FAM168A: variants seen among roughly 807,000 people sequenced by gnomAD.
FAM168A encodes family with sequence similarity 168 member A.
A neutral mutation model predicts 28.5 loss-of-function variants in FAM168A; 3 were observed. The ratio of observed to expected loss-of-function variants is 0.11; its 90% CI spans 0.05 to 0.27. The LOEUF (loss-of-function observed/expected upper bound fraction) is 0.27. Ranked by LOEUF, FAM168A falls within the 10% of genes least tolerant of loss-of-function variation. FAM168A has a pLI of 1.00. For synonymous variants in FAM168A, 122 were observed against 124.2 expected, an observed-to-expected ratio of 0.98 and a Z score of 0.12; for missense variants, 222 against 311.5, an observed-to-expected ratio of 0.71 and a Z score of 2.16.
intron 1 of FAM168A, among the ~76,000 whole-genome samples, chr11:73,488,179 G>A (rs946061296): frequency 6.6e-6 from 1 of 151,204 alleles, no homozygotes; most frequent in Non-Finnish European, 1.5e-5. Context: ...TGCCCAGGCT[G>A]GAGTGTCATG....
chr11:73,420,968 T>C (rs1489093423), intron 3 of FAM168A: 1 of 152,268 alleles, frequency 6.6e-6, no homozygotes, highest in Non-Finnish European at 1.5e-5. Context: ...ACATTTTCCT[T>C]ATTATAATTT....
chr11:73,419,621 A>G (rs893116326), intron 4 of FAM168A, among the ~76,000 whole-genome samples: 4 of 152,028 alleles, frequency 2.6e-5, no homozygotes. Flanking sequence ...TCCTTCCCCA[A>G]TCAACTTGTT....
At chr11:73,508,294 A>G (rs1249774064) in intron 1 of FAM168A, among the ~76,000 whole-genome samples, 2 of 152,092 alleles carry the variant, frequency 1.3e-5, no homozygotes, top group African/African-American at 2.4e-5. Flanking sequence ...TATTACTCAT[A>G]TCCAAAATTA....
Position 73,406,433 on chromosome 11 carries a change from T to C in FAM168A, c.*330A>G, listed in dbSNP as rs1462332681. 6.6e-6 allele frequency: 1 copy of C among 152,052 alleles called. No individual in the cohort carries two copies. Among genetic ancestry groups the C allele is most frequent in the Non-Finnish European group, 1.5e-5 (1 of 68,054 alleles). 9.4% of individuals were successfully genotyped at this position (152,052 alleles called of 1,614,324 possible). On this transcript the variant is annotated 3_prime_UTR_variant, in exon 8 of 8. Transcript: ENST00000356467. ...CACTGCAATAAACCCTACTCTCTGC[T>C]TGCCTCTAGACTGGGATCCCCAGGG...
intron 1 of FAM168A, among the ~76,000 whole-genome samples, chr11:73,488,989 A>G (rs767235571): frequency 1.3e-5 from 2 of 152,030 alleles, no homozygotes; most frequent in African/African-American, 2.4e-5. Context: ...CCCAGGTTCA[A>G]GCAATTCTCC....
intron 1 of FAM168A, among the ~76,000 whole-genome samples, chr11:73,491,140 A>G (rs1187603146): frequency 6.6e-6 from 1 of 152,194 alleles, no homozygotes; most frequent in Non-Finnish European, 1.5e-5. Flanking sequence ...GCTGTTGACA[A>G]AACACACATA....
At chr11:73,454,854 G>A (rs547397203) in intron 2 of FAM168A, among the ~76,000 whole-genome samples, 5 of 152,264 alleles carry the variant, frequency 3.3e-5, no homozygotes, top group African/African-American at 1.2e-4. Context: ...TCTTCCCACT[G>A]AGAGCCACTT....
chr11:73,438,701 A>G (rs1867138138), intron 2 of FAM168A, among the ~76,000 whole-genome samples: 1 of 152,192 alleles, frequency 6.6e-6, no homozygotes. Context: ...CGGCAGAATG[A>G]AAAGGAGTTC....
At chr11:73,552,172 C>T (rs558081476) in intron 1 of FAM168A, among the ~76,000 whole-genome samples, 1 of 152,296 alleles carries the variant, frequency 6.6e-6, no homozygotes, top group South Asian at 2.1e-4. Context: ...TGGACTAAAA[C>T]TGGGTTCAAT....
At position 73,550,865 on chromosome 11, in the gene FAM168A, T is replaced by C. The variant is rs182861590; in HGVS notation, c.-19+47058A>G. Reference sequence around the variant, plus strand: ...GGCTCATGCCAGTAATTCCAGCACTTTGGGAGGCCGAGGCAGGCAGATCAC... The same window carrying C: ...GGCTCATGCCAGTAATTCCAGCACTCTGGGAGGCCGAGGCAGGCAGATCAC... On this transcript the variant is annotated intron_variant, in intron 1 of 7. Coordinates refer to ENST00000356467, the MANE Select transcript of FAM168A (RefSeq NM_015159.3). 7.4e-4 allele frequency among the ~76,000 whole-genome samples: 112 copies of C among 151,884 alleles called. 2 individuals carry two copies. The highest frequency in any genetic ancestry group is 7.1e-4 in the Non-Finnish European group (48 of 67,940).
intron 1 of FAM168A, among the ~76,000 whole-genome samples, chr11:73,596,088 C>A (rs1190337773): frequency 2.0e-5 from 3 of 152,174 alleles, no homozygotes; most frequent in Non-Finnish European, 4.4e-5. Flanking sequence ...CGTCTTCAAG[C>A]AATCAATTTA....
At chr11:73,597,699 C>T (rs1474269933) in intron 1 of FAM168A, among the ~76,000 whole-genome samples, 3 of 151,470 alleles carry the variant, frequency 2.0e-5, no homozygotes, top group Admixed American at 2.0e-4. Flanking sequence ...ATCAAAAGTC[C>T]TCCTCCCTTG....
intron 1 of FAM168A, among the ~76,000 whole-genome samples, chr11:73,500,114 G>A (rs1854976178): frequency 6.6e-6 from 1 of 152,084 alleles, no homozygotes; most frequent in African/African-American, 2.4e-5. Flanking sequence ...TGTTAGGGCA[G>A]CCAGAGAGAA....
chr11:73,478,011 A>G (rs1306773663), intron 1 of FAM168A, among the ~76,000 whole-genome samples: 2 of 152,206 alleles, frequency 1.3e-5, no homozygotes, highest in African/African-American at 4.8e-5. Context: ...CTGGCTTAAA[A>G]GACAATTGCA....
chr11:73,414,064 TAAAG>T (rs1230753286), intron 4 of FAM168A, among the ~76,000 whole-genome samples: 6 of 152,130 alleles, frequency 3.9e-5, no homozygotes, highest in Admixed American at 6.5e-5. Flanking sequence ...CCCTGTCTCT[TAAAG>T]AAGGTGGGGA....
rs367764167 is a variant in FAM168A at position 73,419,962 on chromosome 11, C to T, written c.189G>A (p.Ser63=). ...AGGTGCCTTCAGTGCCACAGGAAGA[C>T]GAGTTCTGTGGCCAGGCCTGTTTCA... ...LLMKQAWPQN[S]SSCGTEGTFH... The change falls in exon 4 of 8, where the codon TCG becomes TCA. Residue 63 remains serine (S), a synonymous_variant. Coordinates refer to ENST00000356467, the MANE Select transcript of FAM168A (RefSeq NM_015159.3). 33 of 1,613,708 alleles carry T rather than the reference C, an allele frequency of 2.0e-5. No individual in the cohort carries two copies. Among genetic ancestry groups the T allele is most frequent in the Admixed American group, 1.3e-4 (8 of 59,976 alleles).
chr11:73,558,034 G>C (rs1333574371), intron 1 of FAM168A, among the ~76,000 whole-genome samples: 1 of 152,134 alleles, frequency 6.6e-6, no homozygotes, highest in Non-Finnish European at 1.5e-5. Flanking sequence ...CAAAATTAAA[G>C]ACCTAAATAT....
Position 73,455,384 on chromosome 11 carries a change from G to A in FAM168A, c.70+13021C>T, listed in dbSNP as rs1165724056. ...ACTGAGTAAATGAGGCACCCCTGTCGCAAGTCCAGCAAAGGGGTCAAGAAA... is the reference window on the plus strand; with the variant it reads ...ACTGAGTAAATGAGGCACCCCTGTCACAAGTCCAGCAAAGGGGTCAAGAAA... On this transcript the variant is annotated intron_variant, in intron 2 of 7. Transcript: ENST00000356467. Among the ~76,000 whole-genome samples the A allele has an allele frequency of 3.9e-5, 6 of 152,308 alleles. No homozygotes were observed. The South Asian group carries it at 1.2e-3, about 32-fold the overall frequency.
chr11:73,431,942 C>A (rs1447825249), intron 2 of FAM168A, among the ~76,000 whole-genome samples: 1 of 152,202 alleles, frequency 6.6e-6, no homozygotes, highest in Non-Finnish European at 1.5e-5. Context: ...CCCCAATACT[C>A]AGCCTGGTAA....
Sources: allele counts gnomAD v4.1 joint callset (sites outside exome capture counted in the v4.1 genomes callset), GRCh38; gene constraint gnomAD v4.1.1; transcripts MANE v1.5; gene names NCBI Gene and HGNC (gene_info 2026-07-23, HGNC 2026-07-21).